Variants in AGGF1 observed in about 807,000 individuals in gnomAD.
AGGF1 encodes angiogenic factor with G-patch and FHA domains 1.
In AGGF1, 56 loss-of-function variants were observed where a neutral mutation model predicts 86.5. The observed-to-expected ratio is 0.65, with a 90% CI of 0.52 to 0.81. The LOEUF (loss-of-function observed/expected upper bound fraction) is 0.81. AGGF1 is among the 30% of genes least tolerant of loss of function. The pLI is 0.00. For missense variants in AGGF1, 816 were observed against 850.9 expected (o/e 0.96, Z 0.51); for synonymous variants, 313 against 297.1 (o/e 1.05, Z -0.55).
chr5:77,058,214 A>G (rs753967417), intron 11 of AGGF1, among the ~76,000 whole-genome samples: 4 of 152,190 alleles, frequency 2.6e-5, no homozygotes, highest in Non-Finnish European at 4.4e-5. Context: ...TACCTCAATA[A>G]AGTTGTTTTT....
Position 77,030,918 on chromosome 5 carries a change from A to G in AGGF1, c.152A>G (p.His51Arg). The part of the protein sequence containing the change: ...RQVREIEKLL[H>R]HTERLYQNAE... ...GTGCGGGAGATCGAGAAGCTGCTGC[A>G]TCACACAGAACGGCTGTACCAGAAC... The change falls in exon 1 of 14, where the codon CAT (histidine) becomes CGT (arginine). Residue 51 changes from histidine (H) to arginine (R), a missense_variant. Coordinates refer to ENST00000312916, the MANE Select transcript of AGGF1 (RefSeq NM_018046.5). 6.2e-7 allele frequency: 1 copy of G among 1,613,380 alleles called. No homozygotes were observed. The highest frequency in any genetic ancestry group is 8.5e-7 in the Non-Finnish European group (1 of 1,179,992).
At chr5:77,060,705 T>A (rs1049168660) in intron 12 of AGGF1, among the ~76,000 whole-genome samples, 1 of 152,176 alleles carries the variant, frequency 6.6e-6, no homozygotes, top group Admixed American at 6.5e-5. Flanking sequence ...AATGGCAACA[T>A]TTTTTTCTTA....
At chr5:77,042,571 C>T (rs1278914018) in intron 5 of AGGF1, among the ~76,000 whole-genome samples, 25 of 62,104 alleles carry the variant, frequency 4.0e-4, no homozygotes, top group East Asian at 5.7e-4. Context: ...GGCGGCTGGC[C>T]GGGCGGGGGG....
At chr5:77,041,775 C>A (rs1172780046) in intron 5 of AGGF1, among the ~76,000 whole-genome samples, 1 of 138,924 alleles carries the variant, frequency 7.2e-6, no homozygotes, top group Non-Finnish European at 1.5e-5. Context: ...AATTCCAAGA[C>A]AAGAACTTTT....
chr5:77,046,844 T>C (rs1255319309), intron 6 of AGGF1, among the ~76,000 whole-genome samples, 167 bp downstream of exon 6: 3 of 152,138 alleles, frequency 2.0e-5, no homozygotes, highest in Non-Finnish European at 4.4e-5. Context: ...TCTTAGAGAG[T>C]AGGATGTGAA....
chr5:77,041,871 G>C (rs1468634486), intron 5 of AGGF1, among the ~76,000 whole-genome samples: 1 of 147,026 alleles, frequency 6.8e-6, no homozygotes, highest in Non-Finnish European at 1.5e-5. Flanking sequence ...GGGGGATTTG[G>C]CAGGGTCATG....
At chr5:77,038,361 TC>T (rs1207439856) in intron 4 of AGGF1, among the ~76,000 whole-genome samples, 1 of 152,246 alleles carries the variant, frequency 6.6e-6, no homozygotes, top group Non-Finnish European at 1.5e-5. Flanking sequence ...TCTCTTGACA[TC>T]AGTTGTTTTG....
At chr5:77,032,252 TAAAAAAAA>T (rs35068401) in intron 1 of AGGF1, among the ~76,000 whole-genome samples, 21 of 107,868 alleles carry the variant, frequency 1.9e-4, no homozygotes, top group African/African-American at 7.4e-4. Context: ...ACAAATATGG[TAAAAAAAA>T]AAAAAAAAAA....
At position 77,043,627 on chromosome 5, in the gene AGGF1, G is replaced by T. The variant is rs1406686762; in HGVS notation, c.871-2720G>T. ...GATGGCACGGCTGGCCGGGCGGGGG[G>T]GCTGACCCCCCACCTCCCTCCCGGA... On this transcript the variant is annotated intron_variant, in intron 5 of 13. Transcript: ENST00000312916. Among the ~76,000 whole-genome samples, 6 of 142,260 alleles carry T rather than the reference G, an allele frequency of 4.2e-5. No individual in the cohort carries two copies. In the East Asian group the frequency reaches 1.1e-3, roughly 27 times the overall value. The allele number at this position is 142,260 out of a possible 152,430, so 93.3% of individuals were successfully genotyped here. A position where few individuals can be genotyped will look rare whatever the true frequency, so the allele number is the denominator to read the frequency against.
rs1341947282 is a variant in AGGF1, at chr5:77,043,644, C to T, written c.871-2703C>T. On this transcript the variant is annotated intron_variant, in intron 5 of 13. Transcript: ENST00000312916. ...GGCGGGGGGGCTGACCCCCCACCTCCCTCCCGGATGGGGCGGCTGGCCGGG... is the reference window on the plus strand; with the variant it reads ...GGCGGGGGGGCTGACCCCCCACCTCTCTCCCGGATGGGGCGGCTGGCCGGG... 9.9e-3 allele frequency among the ~76,000 whole-genome samples: 1,407 copies of T among 142,436 alleles called. 26 individuals are homozygous for T. Among genetic ancestry groups the T allele is most frequent in the African/African-American group, 0.035 (1,324 of 37,588 alleles). The allele number at this position is 142,436 out of a possible 152,430, so 93.4% of individuals were successfully genotyped here. A position where few individuals can be genotyped will look rare whatever the true frequency, so the allele number is the denominator to read the frequency against.
At chr5:77,032,241 T>TAAAAA (rs2150725740) in intron 1 of AGGF1, among the ~76,000 whole-genome samples, 1 of 46,804 alleles carries the variant, frequency 2.1e-5, no homozygotes, top group South Asian at 5.0e-4. Context: ...GCTAGGAAAA[T>TAAAAA]ACAAATATGG....
At chr5:77,033,265 A>G (rs956031172) in intron 1 of AGGF1, among the ~76,000 whole-genome samples, 1 of 152,240 alleles carries the variant, frequency 6.6e-6, no homozygotes, top group Admixed American at 6.5e-5. Context: ...CATAATATGT[A>G]TAGGGTTTGT....
chr5:77,060,226 T>G (rs1484738172), intron 12 of AGGF1, among the ~76,000 whole-genome samples: 1 of 152,200 alleles, frequency 6.6e-6, no homozygotes, highest in Non-Finnish European at 1.5e-5. Flanking sequence ...TGGAATTCTA[T>G]TATCCCCTAA....
At chr5:77,058,665 C>T (rs1172080232) in intron 11 of AGGF1, among the ~76,000 whole-genome samples, 5 of 152,148 alleles carry the variant, frequency 3.3e-5, no homozygotes, top group Non-Finnish European at 7.3e-5. Context: ...TAATTAAAAG[C>T]TTCTGTCGTA....
chr5:77,033,798 C>T (rs571097130), intron 1 of AGGF1, among the ~76,000 whole-genome samples: 4 of 152,298 alleles, frequency 2.6e-5, no homozygotes, highest in African/African-American at 9.6e-5. Flanking sequence ...TTGACCGAGG[C>T]AGCATGTTAC....
intron 1 of AGGF1, among the ~76,000 whole-genome samples, chr5:77,031,837 G>A (rs1359742731): frequency 7.2e-5 from 11 of 152,180 alleles, no homozygotes. Flanking sequence ...CTAGGTGGTG[G>A]AGGTTGCAGT....
Position 77,045,066 on chromosome 5 carries a change from A to G in AGGF1, c.871-1281A>G, listed in dbSNP as rs1021119495. Among the ~76,000 whole-genome samples, 8 of 113,986 alleles carry G rather than the reference A, an allele frequency of 7.0e-5. No homozygotes were observed. In the East Asian group the frequency reaches 3.0e-3, roughly 43 times the overall value. 74.8% of individuals were successfully genotyped at this position (113,986 alleles called of 152,430 possible). The stretch of plus-strand genomic sequence containing the variant: ...GGCGACAGAGCGAGACTCCGTCTCA[A>G]AAAAAAAAAAAAAGAAAGAAAGGTG... On this transcript the variant is annotated intron_variant, in intron 5 of 13. Coordinates refer to ENST00000312916, the MANE Select transcript of AGGF1 (RefSeq NM_018046.5).
chr5:77,045,195 GA>G (rs931708412), intron 5 of AGGF1, among the ~76,000 whole-genome samples: 4 of 152,080 alleles, frequency 2.6e-5, no homozygotes, highest in African/African-American at 9.7e-5. Context: ...GAAACCAAGG[GA>G]AAAAAATGGA....
At chr5:77,056,080 TA>T (rs1747452241) in intron 11 of AGGF1, among the ~76,000 whole-genome samples, 1 of 152,184 alleles carries the variant, frequency 6.6e-6, no homozygotes, top group East Asian at 1.9e-4. Context: ...TTATTATAAT[TA>T]AACTGCAGTG....
Sources: allele counts gnomAD v4.1 joint callset (sites outside exome capture counted in the v4.1 genomes callset), GRCh38; gene constraint gnomAD v4.1.1; transcripts MANE v1.5; gene names NCBI Gene and HGNC (gene_info 2026-07-23, HGNC 2026-07-21).